Variants in CHD5 observed in about 807,000 individuals in gnomAD.
CHD5 encodes the protein ATP-dependent chromatin remodeler CHD5.
Under a neutral mutation model 230.3 loss-of-function variants are expected in CHD5, and 69 were observed. That is an observed-to-expected ratio of 0.30 (90% confidence interval 0.25 to 0.37). The LOEUF is 0.37. Ranked by LOEUF, CHD5 falls within the 10% of genes least tolerant of loss-of-function variation. The pLI, the probability that CHD5 is intolerant of heterozygous loss-of-function variation, is 1.00. For missense variants in CHD5, 1,827 were observed against 2,622.8 expected, an observed-to-expected ratio of 0.70 and a Z score of 6.63; for synonymous variants, 1,064 against 1,065.9, an observed-to-expected ratio of 1.00 and a Z score of 0.03.
At chr1:6,141,217 A>G (rs1473408212) in intron 15 of CHD5, among the ~76,000 whole-genome samples, 1 of 151,302 alleles carries the variant, frequency 6.6e-6, no homozygotes, top group Non-Finnish European at 1.5e-5. Context: ...CGGGAGGCAG[A>G]GGTTGCAGTG....
chr1:6,142,703 C>T lies in CHD5; in HGVS notation c.2044-98G>A. 1.6e-6 allele frequency: 2 copies of T among 1,247,508 alleles called. No individual in the cohort carries two copies. The highest frequency in any genetic ancestry group is 2.8e-4 in the Middle Eastern group (1 of 3,520). The allele number at this position is 1,247,508 out of a possible 1,614,324, so 77.3% of individuals were successfully genotyped here. A position where few individuals can be genotyped will look rare whatever the true frequency, so the allele number is the denominator to read the frequency against. On this transcript the variant is annotated intron_variant, in intron 13 of 41. Coordinates refer to ENST00000262450, the MANE Select transcript of CHD5 (RefSeq NM_015557.3). The surrounding 1 kb of genome is among the most constrained non-coding windows in gnomAD (Gnocchi z 5.2). ...CATGCAATTCCTTCTGCCTGGAACACTCTTCCCACTCCTGTCTGTCTTCCT... is the reference window on the plus strand; with the variant it reads ...CATGCAATTCCTTCTGCCTGGAACATTCTTCCCACTCCTGTCTGTCTTCCT...
At chr1:6,140,635 C>T (rs1267627394) in intron 15 of CHD5, among the ~76,000 whole-genome samples, 2 of 152,142 alleles carry the variant, frequency 1.3e-5, no homozygotes, top group Non-Finnish European at 2.9e-5. Flanking sequence ...AGCTGGTGCA[C>T]TGCATTGAAT....
At position 6,134,360 on chromosome 1, in the gene CHD5, G is replaced by A; in HGVS notation, c.3013-101C>T. 1 of 1,369,260 alleles carries A rather than the reference G, an allele frequency of 7.3e-7. No individual in the cohort carries two copies. The highest frequency in any genetic ancestry group is 1.0e-6 in the Non-Finnish European group (1 of 990,632). 84.8% of individuals were successfully genotyped at this position (1,369,260 alleles called of 1,614,324 possible). Reference sequence around the variant, plus strand: ...GAACAGACAAGTGCTGAGCAATGGGGTGATGGCCTGTCTGCCCACTGAACA... The same window carrying A: ...GAACAGACAAGTGCTGAGCAATGGGATGATGGCCTGTCTGCCCACTGAACA... On this transcript the variant is annotated intron_variant, in intron 19 of 41. Transcript: ENST00000262450. This position sits in a 1 kb window ranked among gnomAD's most constrained non-coding sequence, Gnocchi z 6.3.
In CHD5 at chr1:6,113,051, G is replaced by A. The variant is rs7518589; in HGVS notation, c.4913-53C>T. On this transcript the variant is annotated intron_variant, in intron 33 of 41. Transcript: ENST00000262450. ...GGGGTGGGGTCCCAGAAAACACAGA[G>A]GACTCTGGGCTCGTGGCTTTCCACC... 1.1e-3 allele frequency: 1,419 copies of A among 1,265,424 alleles called. 5 individuals carry two copies. The highest frequency in any genetic ancestry group is 1.5e-3 in the Non-Finnish European group (1,284 of 866,886). The allele number at this position is 1,265,424 out of a possible 1,614,324, so 78.4% of individuals were successfully genotyped here.
chr1:6,115,108 C>T (rs1340997194), intron 33 of CHD5, among the ~76,000 whole-genome samples: 3 of 151,646 alleles, frequency 2.0e-5, no homozygotes, highest in East Asian at 1.9e-4. Flanking sequence ...ATCAGGAGAT[C>T]GAGACCATCC....
In CHD5 at chr1:6,110,411, G is replaced by A. The variant is rs903550200; in HGVS notation, c.5365C>T (p.Leu1789=). ...GNYLEMKNKF[L]ARRFKLLEQA... is the part of the protein sequence containing the mutation. ...AGACAGACCTTAAACCTGCGGGCCA[G>A]GAACTTGTTCTTCATCTCCAGGTAG... Residue 1789 remains leucine (L), a synonymous_variant, in exon 37 of 42, where the codon CTG becomes TTG. Coordinates refer to ENST00000262450, the MANE Select transcript of CHD5 (RefSeq NM_015557.3). 1 of 1,613,918 alleles carries A rather than the reference G, an allele frequency of 6.2e-7. No individual in the cohort carries two copies. The highest frequency in any genetic ancestry group is 1.3e-5 in the African/African-American group (1 of 74,950).
chr1:6,176,651 A>C (rs1324324433), intron 1 of CHD5, among the ~76,000 whole-genome samples: 4 of 152,224 alleles, frequency 2.6e-5, no homozygotes, highest in African/African-American at 9.6e-5. Flanking sequence ...TACACCAGCC[A>C]CAGTTTATTG....
At position 6,168,246 on chromosome 1, in the gene CHD5, A is replaced by G. The variant is rs1667285126; in HGVS notation, c.111T>C (p.Asp37=). 2 of 1,609,480 alleles carry G rather than the reference A, an allele frequency of 1.2e-6. No individual in the cohort carries two copies. The highest frequency in any genetic ancestry group is 1.7e-6 in the Non-Finnish European group (2 of 1,176,542). The part of the protein sequence containing the change: ...EEEDGGLEAF[D]DFFPVEPVSL... ...TCACGGGCTCCACAGGGAAAAAGTC[A>G]TCGAAGGCTTCAAGACCACCATCTT... The change falls in exon 2 of 42, where the codon GAT becomes GAC. Residue 37 remains aspartate (D), a synonymous_variant. Transcript: ENST00000262450.
At chr1:6,109,188 A>G (rs1376854267) in intron 38 of CHD5, among the ~76,000 whole-genome samples, 1 of 152,038 alleles carries the variant, frequency 6.6e-6, no homozygotes, top group Non-Finnish European at 1.5e-5. Context: ...CCCTCCTAAG[A>G]GTTCTCAGGG....
At chr1:6,149,163 G>C in intron 8 of CHD5, 83 bp downstream of exon 8, 1 of 1,468,124 alleles carries the variant, frequency 6.8e-7, no homozygotes, top group South Asian at 1.4e-5. Context: ...GCATCTCCCC[G>C]CATTCTGCCC....
At chr1:6,143,444 G>A (rs145455539) in intron 13 of CHD5, among the ~76,000 whole-genome samples, 147 of 152,268 alleles carry the variant, frequency 9.7e-4, no homozygotes, top group African/African-American at 3.4e-3. Context: ...TCCCAGGCCA[G>A]GCCCTCCGTG....
At position 6,143,807 on chromosome 1, in the gene CHD5, C is replaced by T. The variant is rs779710159; in HGVS notation, c.2043+16G>A. The stretch of plus-strand genomic sequence containing the variant: ...CTGGCAACCCCACCCACTGCTGCCC[C>T]ACCCTCCCCACTCACGTCCACAATG... On this transcript the variant is annotated intron_variant, in intron 13 of 41. Coordinates refer to ENST00000262450, the MANE Select transcript of CHD5 (RefSeq NM_015557.3). 2 of 1,599,602 alleles carry T rather than the reference C, an allele frequency of 1.3e-6. No individual in the cohort carries two copies. Among genetic ancestry groups the T allele is most frequent in the African/African-American group, 1.3e-5 (1 of 74,762 alleles).
chr1:6,149,353 C>A lies in CHD5; in HGVS notation c.1054G>T (p.Gly352Cys). ...HQDYCEVCQQ[G>C]GEIILCDTCP... ...GTGTCGCACAGGATGATCTCCCCAC[C>A]CTGCTGGCACACCTCACAGTAATCC... Residue 352 changes from glycine (G) to cysteine (C), a missense_variant, in exon 8 of 42, where the codon GGT (glycine) becomes TGT (cysteine). Coordinates refer to ENST00000262450, the MANE Select transcript of CHD5 (RefSeq NM_015557.3). 6.2e-7 allele frequency: 1 copy of A among 1,613,508 alleles called. No individual in the cohort carries two copies. Among genetic ancestry groups the A allele is most frequent in the Non-Finnish European group, 8.5e-7 (1 of 1,179,820 alleles).
intron 1 of CHD5, among the ~76,000 whole-genome samples, chr1:6,173,702 G>C (rs1368363146): frequency 6.6e-6 from 1 of 152,206 alleles, no homozygotes; most frequent in Non-Finnish European, 1.5e-5. Context: ...GCGAGACCCA[G>C]GAGGGTCAGG....
intron 5 of CHD5, 142 bp from the exon 6 acceptor site, chr1:6,152,678 T>C: frequency 2.2e-6 from 3 of 1,390,468 alleles, no homozygotes; most frequent in East Asian, 2.4e-5. Context: ...TGCCTGAGGC[T>C]TGGAGAGGTA....
rs149780291 is a variant in CHD5 at position 6,154,686 on chromosome 1, C to A, written c.719G>T (p.Arg240Leu). 2 of 1,583,362 alleles carry A rather than the reference C, an allele frequency of 1.3e-6. No homozygotes were observed. The highest frequency in any genetic ancestry group is 2.2e-5 in the East Asian group (1 of 44,494). The change falls in exon 5 of 42, where the codon CGC (arginine) becomes CTC (leucine). Residue 240 changes from arginine to leucine, a missense_variant. Arg to Leu is a moderately radical substitution (Grantham distance 102, BLOSUM62 -2). This residue lies in a region of CHD5 where 657 missense variants were observed against 816.4 expected (regional missense o/e 0.80). Transcript: ENST00000262450. The surrounding 1 kb of genome is among the most constrained non-coding windows in gnomAD (Gnocchi z 7.0). ...PPQVPQPVPI[R>L]KAKTKEGKGP... is the part of the protein sequence containing the mutation. ...TTTGCCCTCCTTGGTCTTGGCCTTG[C>A]GGATAGGCACAGGCTGGGGCACCTG...
chr1:6,124,860 C>G (rs2273038), intron 29 of CHD5, among the ~76,000 whole-genome samples, 199 bp from the exon 30 acceptor site: 35,311 of 152,220 alleles, frequency 0.23, 4,749 homozygotes, highest in South Asian at 0.4. Context: ...CCTGGGTGAC[C>G]GGGATCTTCC....
chr1:6,163,256 C>T (rs1013242138), intron 2 of CHD5, among the ~76,000 whole-genome samples: 5 of 152,210 alleles, frequency 3.3e-5, no homozygotes, highest in Admixed American at 2.0e-4. Flanking sequence ...TTCTTGGAAG[C>T]AGGTGCACTT....
rs1666317406 is a variant in CHD5 at position 6,113,002 on chromosome 1, C to T, written c.4913-4G>A. ...TCCTTCTCAGGAAGCACCTCCTCTGCAAGAAAAAGAGGGTTCGCGGCATGG... is the reference window on the plus strand; with the variant it reads ...TCCTTCTCAGGAAGCACCTCCTCTGTAAGAAAAAGAGGGTTCGCGGCATGG... On this transcript the variant is annotated splice_polypyrimidine_tract_variant and splice_region_variant and intron_variant, in intron 33 of 41. Coordinates refer to ENST00000262450, the MANE Select transcript of CHD5 (RefSeq NM_015557.3). The T allele has an allele frequency of 6.2e-7, 1 of 1,609,236 alleles. No homozygotes were observed. Among genetic ancestry groups the T allele is most frequent in the African/African-American group, 1.3e-5 (1 of 74,830 alleles).
Sources: allele counts gnomAD v4.1 joint callset (sites outside exome capture counted in the v4.1 genomes callset), GRCh38; gene constraint gnomAD v4.1.1; regional missense constraint gnomAD v4.1.1; non-coding constraint Gnocchi (gnomAD v3.1); transcripts MANE v1.5; gene names NCBI Gene and HGNC (gene_info 2026-07-23, HGNC 2026-07-21).